NRXN1: variants seen among roughly 807,000 people sequenced by gnomAD.
NRXN1 encodes neurexin 1, also known as neurexin-1.
In NRXN1, 39 loss-of-function variants were observed where a neutral mutation model predicts 150.9. The ratio of observed to expected loss-of-function variants is 0.26; its 90% CI spans 0.20 to 0.34. The LOEUF is 0.34. Among genes scored for constraint, NRXN1 ranks in the 10% least tolerant of loss-of-function variants. The probability of loss-of-function intolerance (pLI) is 1.00; values close to 1 mark genes in which losing one functional copy is unlikely to be tolerated. For missense variants in NRXN1, 1,815 were observed against 1,949.9 expected, an observed-to-expected ratio of 0.93 and a Z score of 1.30; for synonymous variants, 924 against 757.0, an observed-to-expected ratio of 1.22 and a Z score of -3.62.
At chr2:50,351,269 A>T (rs2078392713) in intron 17 of NRXN1, among the ~76,000 whole-genome samples, 1 of 152,134 alleles carries the variant, frequency 6.6e-6, no homozygotes, top group Admixed American at 6.6e-5. Flanking sequence ...AGTGCGATGT[A>T]AGTGTTTCTT....
intron 17 of NRXN1, among the ~76,000 whole-genome samples, chr2:50,351,195 A>C (rs1558579505): frequency 6.6e-6 from 1 of 152,198 alleles, no homozygotes; most frequent in Non-Finnish European, 1.5e-5. Flanking sequence ...TGATTGAAGA[A>C]CTGGTTGGAG....
chr2:50,524,668 T>C (rs1220955096), intron 12 of NRXN1, among the ~76,000 whole-genome samples: 1 of 152,082 alleles, frequency 6.6e-6, no homozygotes, highest in Non-Finnish European at 1.5e-5. Context: ...CTGAATCCAC[T>C]GCATATTTAA....
At chr2:50,545,947 T>C (rs576818229) in intron 9 of NRXN1, among the ~76,000 whole-genome samples, 1 of 152,292 alleles carries the variant, frequency 6.6e-6, no homozygotes, top group South Asian at 2.1e-4. Flanking sequence ...TTATACTGCA[T>C]TGTTTAAGAA....
intron 17 of NRXN1, among the ~76,000 whole-genome samples, chr2:50,415,622 G>C (rs2083480315): frequency 6.6e-6 from 1 of 152,154 alleles, no homozygotes. Flanking sequence ...ATTAGCCATA[G>C]AGATGTCTTA....
At chr2:50,108,954 C>T (rs912023922) in intron 18 of NRXN1, among the ~76,000 whole-genome samples, 2 of 152,076 alleles carry the variant, frequency 1.3e-5, no homozygotes. Context: ...AATGAGAGAG[C>T]TAGCCTTCAG....
chr2:50,776,514 C>T (rs985184331), intron 5 of NRXN1, among the ~76,000 whole-genome samples: 1 of 151,684 alleles, frequency 6.6e-6, no homozygotes, highest in South Asian at 2.1e-4. Context: ...TTGACTAAAA[C>T]ATCCTTGCAT....
chr2:50,950,724 T>C (rs1691185630), intron 2 of NRXN1, among the ~76,000 whole-genome samples: 1 of 152,204 alleles, frequency 6.6e-6, no homozygotes. Flanking sequence ...TTAACAGCAT[T>C]TTGGTAATAA....
intron 5 of NRXN1, among the ~76,000 whole-genome samples, chr2:50,886,901 G>A (rs1290881112): frequency 5.9e-5 from 9 of 151,324 alleles, no homozygotes; most frequent in East Asian, 1.9e-4. Flanking sequence ...ATTCATAAAC[G>A]TGTTTCTCAT....
At chr2:50,838,378 G>A (rs1006041012) in intron 5 of NRXN1, among the ~76,000 whole-genome samples, 2 of 152,122 alleles carry the variant, frequency 1.3e-5, no homozygotes, top group African/African-American at 2.4e-5. Flanking sequence ...AACATGTAAT[G>A]TTTTAAATTT....
chr2:50,944,398 T>G (rs1418019457), intron 2 of NRXN1, among the ~76,000 whole-genome samples: 1 of 152,106 alleles, frequency 6.6e-6, no homozygotes, highest in Non-Finnish European at 1.5e-5. Flanking sequence ...CACCCTATCT[T>G]TAAAATGGAG....
At chr2:50,299,069 G>A (rs2073908270) in intron 17 of NRXN1, among the ~76,000 whole-genome samples, 1 of 152,090 alleles carries the variant, frequency 6.6e-6, no homozygotes, top group South Asian at 2.1e-4. Flanking sequence ...GTAGCACTTT[G>A]GGGAATTGGG....
At chr2:50,422,007 G>A (rs1572909073) in intron 17 of NRXN1, among the ~76,000 whole-genome samples, 1 of 152,144 alleles carries the variant, frequency 6.6e-6, no homozygotes, top group Non-Finnish European at 1.5e-5. Context: ...TACGCTTTCA[G>A]GTTAAGAATT....
chr2:50,421,602 A>G (rs745918963), intron 17 of NRXN1, among the ~76,000 whole-genome samples: 1 of 152,124 alleles, frequency 6.6e-6, no homozygotes, highest in African/African-American at 2.4e-5. Context: ...TCACAAGATG[A>G]ATATAATTAG....
chr2:50,246,406 T>C (rs1418216764), intron 17 of NRXN1, among the ~76,000 whole-genome samples: 1 of 152,064 alleles, frequency 6.6e-6, no homozygotes, highest in East Asian at 1.9e-4. Flanking sequence ...CATAGTTAAA[T>C]AGAAGGGACC....
rs143573222 is a variant in NRXN1, at chr2:50,458,733, C to T, written c.3364+6709G>A. On this transcript the variant is annotated intron_variant, in intron 17 of 22. Transcript: ENST00000401669. ...TAGCTGGAATTACAGGCATGTACCA[C>T]CAGGCCCAGCTAATTTTTTTGTATT... 3.8e-3 allele frequency among the ~76,000 whole-genome samples: 576 copies of T among 152,150 alleles called. 2 individuals carry two copies. Among genetic ancestry groups the T allele is most frequent in the African/African-American group, 0.013 (538 of 41,514 alleles).
intron 5 of NRXN1, among the ~76,000 whole-genome samples, chr2:50,854,006 A>G (rs1219745168): frequency 6.6e-6 from 1 of 151,972 alleles, no homozygotes; most frequent in Non-Finnish European, 1.5e-5. Flanking sequence ...ATTGAGTACA[A>G]TTTTCTTAAT....
chr2:50,877,810 A>G (rs1678831022), intron 5 of NRXN1, among the ~76,000 whole-genome samples: 1 of 151,954 alleles, frequency 6.6e-6, no homozygotes, highest in Non-Finnish European at 1.5e-5. Context: ...AGAGGAGCTT[A>G]GCAAAGCCAT....
rs570090983 is a variant in NRXN1 at position 50,974,382 on chromosome 2, T to A, written c.773-48427A>T. 1.5e-4 allele frequency among the ~76,000 whole-genome samples: 23 copies of A among 152,296 alleles called. No individual in the cohort carries two copies. In the South Asian group the frequency reaches 4.8e-3, roughly 32 times the overall value. On this transcript the variant is annotated intron_variant, in intron 2 of 22. Coordinates refer to ENST00000401669, the MANE Select transcript of NRXN1 (RefSeq NM_001330078.2). ...AACCAGTACCTGGGGATTGTGCCTT[T>A]TCAAGCTTACACAGCAGGATATGAA...
chr2:50,048,974 A>C (rs1692266305), intron 21 of NRXN1, among the ~76,000 whole-genome samples: 2 of 152,168 alleles, frequency 1.3e-5, no homozygotes. Flanking sequence ...TGTTGAAATA[A>C]GATAAAAAGA....
Sources: gnomAD v4.1 joint callset for allele counts (sites outside exome capture counted in the v4.1 genomes callset) on GRCh38, gnomAD v4.1.1 for gene constraint, MANE v1.5 for transcripts, NCBI Gene and HGNC (gene_info 2026-07-23, HGNC 2026-07-21) for gene names.